AGAP1: variants seen among roughly 807,000 people sequenced by gnomAD.
AGAP1 encodes the protein arf-GAP with GTPase, ANK repeat and PH domain-containing protein 1.
Under a neutral mutation model 105.3 loss-of-function variants are expected in AGAP1, and 29 were observed. The ratio of observed to expected loss-of-function variants is 0.28; its 90% CI spans 0.21 to 0.38. The LOEUF (loss-of-function observed/expected upper bound fraction) is 0.38, where lower values mean the gene tolerates loss of function less well. Among genes scored for constraint, AGAP1 ranks in the 10% least tolerant of loss-of-function variants. The pLI is 1.00. For synonymous variants in AGAP1, 509 were observed against 485.9 expected, an observed-to-expected ratio of 1.05 and a Z score of -0.63; for missense variants, 998 against 1,165.1, an observed-to-expected ratio of 0.86 and a Z score of 2.09.
Position 235,629,863 on chromosome 2 carries a change from CAAAAAAAAAAAA to C in AGAP1, c.164-79307_164-79296del, listed in dbSNP as rs10691632. Among the ~76,000 whole-genome samples the C allele has an allele frequency of 5.2e-5, 5 of 95,660 alleles. No homozygotes were observed. In the South Asian group the frequency reaches 1.6e-3, roughly 30 times the overall value. The allele number at this position is 95,660 out of a possible 152,430, so 62.8% of individuals were successfully genotyped here. A position where few individuals can be genotyped will look rare whatever the true frequency, so the allele number is the denominator to read the frequency against. On this transcript the variant is annotated intron_variant, in intron 1 of 17. Coordinates refer to ENST00000304032, the MANE Select transcript of AGAP1 (RefSeq NM_001037131.3). ...TGGGTGACTGAGGGAGACCCTGTCTCAAAAAAAAAAAAAAAAAAAAGAAAGAACAGAAATCAC... is the reference window on the plus strand; with the variant it reads ...TGGGTGACTGAGGGAGACCCTGTCTCAAAAAAAAGAAAGAACAGAAATCAC...
chr2:235,852,635 A>T (rs889728550), intron 9 of AGAP1: 1 of 1,391,820 alleles, frequency 7.2e-7, no homozygotes, highest in Non-Finnish European at 9.4e-7. Context: ...CATAACCCTC[A>T]TCAGATAAAG....
intron 9 of AGAP1, among the ~76,000 whole-genome samples, chr2:235,862,448 G>A (rs1375787448): frequency 6.6e-6 from 1 of 152,148 alleles, no homozygotes; most frequent in Non-Finnish European, 1.5e-5. Flanking sequence ...GCCAGATGTA[G>A]GGTGCATTTT....
In AGAP1 at chr2:235,801,744, G is replaced by C. The variant is rs976959297; in HGVS notation, c.957+2222G>C. Among the ~76,000 whole-genome samples the C allele has an allele frequency of 6.6e-6, 1 of 152,192 alleles. No individual in the cohort carries two copies. Among genetic ancestry groups the C allele is most frequent in the Non-Finnish European group, 1.5e-5 (1 of 68,032 alleles). On this transcript the variant is annotated intron_variant, in intron 8 of 17. Coordinates refer to ENST00000304032, the MANE Select transcript of AGAP1 (RefSeq NM_001037131.3). This position sits in a 1 kb window ranked among gnomAD's most constrained non-coding sequence, Gnocchi z 6.0. ...GTGCCCCGGGAGGAGGGGCGGGCTT[G>C]TCATCGTGGTGGTCGAGAACACCTT... is the stretch of plus-strand genomic sequence containing the variant.
chr2:235,880,695 G>A (rs12993521), intron 9 of AGAP1, among the ~76,000 whole-genome samples: 53,248 of 151,038 alleles, frequency 0.35, 10,116 homozygotes, highest in South Asian at 0.64. Flanking sequence ...AGCTGAGATC[G>A]CGCCACTGCA....
At chr2:235,822,070 C>T (rs182845005) in intron 9 of AGAP1, among the ~76,000 whole-genome samples, 3 of 152,192 alleles carry the variant, frequency 2.0e-5, no homozygotes, top group East Asian at 1.9e-4. Flanking sequence ...TTGGACAAGG[C>T]GAGACCTATT....
At chr2:235,849,787 G>A (rs1203872410) in intron 9 of AGAP1, among the ~76,000 whole-genome samples, 4 of 152,084 alleles carry the variant, frequency 2.6e-5, no homozygotes, top group Non-Finnish European at 5.9e-5. Flanking sequence ...CTGCTCCACC[G>A]TCCACTCTGC....
At position 235,663,083 on chromosome 2, in the gene AGAP1, G is replaced by C. The variant is rs1359864171; in HGVS notation, c.164-46096G>C. 6.6e-6 allele frequency among the ~76,000 whole-genome samples: 1 copy of C among 152,150 alleles called. No homozygotes were observed. Among genetic ancestry groups the C allele is most frequent in the Non-Finnish European group, 1.5e-5 (1 of 68,030 alleles). On this transcript the variant is annotated intron_variant, in intron 1 of 17. Coordinates refer to ENST00000304032, the MANE Select transcript of AGAP1 (RefSeq NM_001037131.3). The surrounding 1 kb of genome is among the most constrained non-coding windows in gnomAD (Gnocchi z 5.4). ...CTCACACCTGTAATCCCAGCACTTTGGGAGGCCGAGGCGGGTGGATCATCT... is the reference window on the plus strand; with the variant it reads ...CTCACACCTGTAATCCCAGCACTTTCGGAGGCCGAGGCGGGTGGATCATCT...
At chr2:235,646,525 T>G (rs1360968921) in intron 1 of AGAP1, among the ~76,000 whole-genome samples, 3 of 152,184 alleles carry the variant, frequency 2.0e-5, no homozygotes, top group African/African-American at 7.2e-5. Context: ...CTCCTCTCCA[T>G]GTAGGAACGG....
At chr2:236,097,380 CT>C (rs58882083) in intron 16 of AGAP1, among the ~76,000 whole-genome samples, 304 of 48,628 alleles carry the variant, frequency 6.3e-3, no homozygotes, top group African/African-American at 7.8e-3. Context: ...TCATCCTAAT[CT>C]TTTTTTTTTT....
rs1364323714 is a variant in AGAP1, at chr2:235,627,997, C to T, written c.164-81182C>T. Among the ~76,000 whole-genome samples, 6 of 152,088 alleles carry T rather than the reference C, an allele frequency of 3.9e-5. No homozygotes were observed. The East Asian group carries it at 1.2e-3, about 29-fold the overall frequency. On this transcript the variant is annotated intron_variant, in intron 1 of 17. Coordinates refer to ENST00000304032, the MANE Select transcript of AGAP1 (RefSeq NM_001037131.3). Reference sequence around the variant, plus strand: ...AAGGGGGGCATAGGCTGAATTGGGACAGTGCCCTTGACTGACACAGGGAGA... The same window carrying T: ...AAGGGGGGCATAGGCTGAATTGGGATAGTGCCCTTGACTGACACAGGGAGA...
chr2:235,762,075 T>G (rs1954488464), intron 6 of AGAP1, among the ~76,000 whole-genome samples: 1 of 149,892 alleles, frequency 6.7e-6, no homozygotes, highest in African/African-American at 2.5e-5. Context: ...TGCCGTTGCA[T>G]TCCAGCCTGG....
rs1432338657 is a variant in AGAP1, at chr2:235,620,244, C to T, written c.164-88935C>T. Among the ~76,000 whole-genome samples the T allele has an allele frequency of 6.6e-6, 1 of 152,190 alleles. No individual in the cohort carries two copies. Among genetic ancestry groups the T allele is most frequent in the Admixed American group, 6.5e-5 (1 of 15,282 alleles). On this transcript the variant is annotated intron_variant, in intron 1 of 17. Coordinates refer to ENST00000304032, the MANE Select transcript of AGAP1 (RefSeq NM_001037131.3). This position sits in a 1 kb window ranked among gnomAD's most constrained non-coding sequence, Gnocchi z 4.5. ...CAGTGGCTTCCTGAGCCACCTCAGC[C>T]ATTAGCACCCTGGTCCCGGGCAGCA...
chr2:235,615,862 A>G lies in AGAP1; in HGVS notation c.164-93317A>G, dbSNP rs1946290253. Among the ~76,000 whole-genome samples the G allele has an allele frequency of 1.3e-5, 2 of 152,178 alleles. No homozygotes were observed. The highest frequency in any genetic ancestry group is 4.8e-5 in the African/African-American group (2 of 41,440). ...AGAACACCTTCTGAACAGCACAAACACTTGTAGCAAAATTAAAAGACCAAC... is the reference window on the plus strand; with the variant it reads ...AGAACACCTTCTGAACAGCACAAACGCTTGTAGCAAAATTAAAAGACCAAC... On this transcript the variant is annotated intron_variant, in intron 1 of 17. Transcript: ENST00000304032. This position sits in a 1 kb window ranked among gnomAD's most constrained non-coding sequence, Gnocchi z 5.0.
rs1031914763 is a variant in AGAP1 at position 235,953,095 on chromosome 2, A to G, written c.1484-15367A>G. On this transcript the variant is annotated intron_variant, in intron 12 of 17. Transcript: ENST00000304032. This position sits in a 1 kb window ranked among gnomAD's most constrained non-coding sequence, Gnocchi z 5.2. ...GACTGGGACATGCCACCCACCTCCA[A>G]TAAAGGCTTGGGAGTCGCAAGGATC... Among the ~76,000 whole-genome samples the G allele has an allele frequency of 2.6e-5, 4 of 152,200 alleles. No individual in the cohort carries two copies. The highest frequency in any genetic ancestry group is 4.4e-5 in the Non-Finnish European group (3 of 68,028).
chr2:236,086,655 T>G (rs905387557), intron 16 of AGAP1, among the ~76,000 whole-genome samples: 1 of 152,162 alleles, frequency 6.6e-6, no homozygotes, highest in Non-Finnish European at 1.5e-5. Context: ...TTCAACATTC[T>G]TAGGATAAAA....
At position 235,690,002 on chromosome 2, in the gene AGAP1, G is replaced by C. The variant is rs536229118; in HGVS notation, c.164-19177G>C. 6.6e-6 allele frequency among the ~76,000 whole-genome samples: 1 copy of C among 152,026 alleles called. No homozygotes were observed. The highest frequency in any genetic ancestry group is 1.5e-5 in the Non-Finnish European group (1 of 68,012). On this transcript the variant is annotated intron_variant, in intron 1 of 17. Coordinates refer to ENST00000304032, the MANE Select transcript of AGAP1 (RefSeq NM_001037131.3). The surrounding 1 kb of genome is among the most constrained non-coding windows in gnomAD (Gnocchi z 4.1). ...GTAAATAGATCGCGTTGTTGCATGC[G>C]TTTGATGAAAGTGATATCACAGCAA...
chr2:235,502,700 CTTT>C lies in AGAP1; in HGVS notation c.163+7870_163+7872del, dbSNP rs5839594. On this transcript the variant is annotated intron_variant, in intron 1 of 17. Coordinates refer to ENST00000304032, the MANE Select transcript of AGAP1 (RefSeq NM_001037131.3). ...TCATGGTTAGAAGCTTTTTATTTGC[CTTT>C]TTTTTTTTTTTTTTTTTTAAGGGTG... is the stretch of plus-strand genomic sequence containing the variant. Among the ~76,000 whole-genome samples, 135 of 110,964 alleles carry C rather than the reference CTTT, an allele frequency of 1.2e-3. 1 individual carries two copies. The Middle Eastern group carries it at 0.024, about 20-fold the overall frequency. The allele number at this position is 110,964 out of a possible 152,430, so 72.8% of individuals were successfully genotyped here. A position where few individuals can be genotyped will look rare whatever the true frequency, so the allele number is the denominator to read the frequency against.
intron 9 of AGAP1, among the ~76,000 whole-genome samples, chr2:235,858,488 C>G (rs1406842980): frequency 6.6e-6 from 1 of 152,060 alleles, no homozygotes; most frequent in Non-Finnish European, 1.5e-5. Context: ...CCTGTTTGTA[C>G]ATGTTTGAGT....
intron 16 of AGAP1, among the ~76,000 whole-genome samples, chr2:236,094,602 T>C (rs2059147746): frequency 6.6e-6 from 1 of 152,214 alleles, no homozygotes; most frequent in African/African-American, 2.4e-5. Context: ...TCCTCCCATC[T>C]TGACCTCCCA....
Sources: allele counts gnomAD v4.1 joint callset (sites outside exome capture counted in the v4.1 genomes callset), GRCh38; gene constraint gnomAD v4.1.1; non-coding constraint Gnocchi (gnomAD v3.1); transcripts MANE v1.5; gene names NCBI Gene and HGNC (gene_info 2026-07-23, HGNC 2026-07-21).